ZNF383: variants seen among roughly 807,000 people sequenced by gnomAD.
The protein encoded by ZNF383 is zinc finger protein 383.
A neutral mutation model predicts 44.2 loss-of-function variants in ZNF383; 32 were observed. The ratio of observed to expected loss-of-function variants is 0.72; its 90% CI spans 0.55 to 0.97. The LOEUF (loss-of-function observed/expected upper bound fraction) is 0.97. ZNF383 is among the 50% of genes least tolerant of loss of function. The probability of loss-of-function intolerance (pLI) is 0.00; values close to 1 mark genes in which losing one functional copy is unlikely to be tolerated. For synonymous variants in ZNF383, 155 were observed against 186.2 expected (o/e 0.83, Z 1.36); for missense variants, 487 against 562.5 (o/e 0.87, Z 1.36).
chr19:37,235,908 T>A (rs1204952119), intron 4 of ZNF383, 71 bp from the exon 5 acceptor site: 6 of 1,386,462 alleles, frequency 4.3e-6, no homozygotes, highest in Non-Finnish European at 6.0e-6. Flanking sequence ...CATCTCTTCC[T>A]GTGATCATCA....
intron 5 of ZNF383, among the ~76,000 whole-genome samples, chr19:37,238,981 G>A (rs1201213663): frequency 1.3e-5 from 2 of 152,158 alleles, no homozygotes; most frequent in East Asian, 3.9e-4. Context: ...GTGCAGTGGT[G>A]TGATCTCAGC....
At chr19:37,231,360 C>G (rs1408092083) in intron 3 of ZNF383, among the ~76,000 whole-genome samples, 1 of 152,014 alleles carries the variant, frequency 6.6e-6, no homozygotes, top group Non-Finnish European at 1.5e-5. Flanking sequence ...CCCATCTCTA[C>G]TAAAAATACA....
rs1821968122 is a variant in ZNF383, at chr19:37,243,165, A to G, written c.929A>G (p.Tyr310Cys). The G allele has an allele frequency of 3.1e-6, 5 of 1,614,192 alleles. 1 individual carries two copies. The highest frequency in any genetic ancestry group is 3.3e-5 in the Admixed American group (2 of 60,020). The change falls in exon 6 of 6, where the codon TAT becomes TGT. Residue 310 changes from tyrosine to cysteine, a missense_variant. Physicochemically the swap from Tyr to Cys is radical, Grantham distance 194. Transcript: ENST00000684119. ...CGAATTCATACAGGTGAGAAACCCT[A>G]TGAATGTAAGGAATGTGGCAAAGCC... is the stretch of plus-strand genomic sequence containing the variant. ...HARIHTGEKP[Y>C]ECKECGKAFT... is the part of the protein sequence containing the mutation.
intron 1 of ZNF383, among the ~76,000 whole-genome samples, chr19:37,222,551 T>C (rs139217356): frequency 6.0e-4 from 92 of 152,246 alleles, no homozygotes; most frequent in African/African-American, 2.1e-3. Flanking sequence ...TAATTTTTTG[T>C]ATTTTTAATA....
intron 4 of ZNF383, 71 bp from the exon 5 acceptor site, chr19:37,235,908 T>G: frequency 7.2e-7 from 1 of 1,386,580 alleles, no homozygotes; most frequent in East Asian, 2.3e-5. Flanking sequence ...CATCTCTTCC[T>G]GTGATCATCA....
intron 3 of ZNF383, 93 bp downstream of exon 3, chr19:37,230,555 C>T: frequency 2.1e-6 from 3 of 1,407,128 alleles, no homozygotes; most frequent in Non-Finnish European, 3.0e-6. Flanking sequence ...ACATTTCTGG[C>T]TAACAGAGTT....
chr19:37,234,727 C>T (rs1014066437), intron 3 of ZNF383, among the ~76,000 whole-genome samples: 6 of 152,098 alleles, frequency 3.9e-5, no homozygotes, highest in Admixed American at 6.5e-5. Context: ...ATTTATAAAT[C>T]CTATTACAAA....
chr19:37,224,209 G>A (rs1190968387), intron 1 of ZNF383, among the ~76,000 whole-genome samples: 1 of 152,072 alleles, frequency 6.6e-6, no homozygotes, highest in East Asian at 1.9e-4. Flanking sequence ...TATTTAAGGT[G>A]TACGTGTTTT....
At chr19:37,233,170 G>A (rs1028980097) in intron 3 of ZNF383, among the ~76,000 whole-genome samples, 3 of 151,798 alleles carry the variant, frequency 2.0e-5, no homozygotes, top group Admixed American at 6.6e-5. Context: ...TTGCTCTGTC[G>A]CCCAGGCTGG....
chr19:37,243,552 G>C lies in ZNF383; in HGVS notation c.1316G>C (p.Arg439Pro). ...KAFNKCSNLT[R>P]HLRIHTGEKP... ...TTTAATAAATGCTCAAACCTTACTC[G>C]ACATCTGAGAATTCACACTGGTGAA... Residue 439 changes from arginine (R) to proline (P), a missense_variant, in exon 6 of 6, where the codon CGA becomes CCA. Physicochemically the swap from Arg to Pro is moderately radical, Grantham distance 103. Transcript: ENST00000684119. 1.2e-6 allele frequency: 2 copies of C among 1,611,432 alleles called. No homozygotes were observed. Among genetic ancestry groups the C allele is most frequent in the Non-Finnish European group, 1.7e-6 (2 of 1,178,928 alleles).
chr19:37,240,234 C>T lies in ZNF383; in HGVS notation c.233-2235C>T, dbSNP rs1974016627. On this transcript the variant is annotated intron_variant, in intron 5 of 5. Transcript: ENST00000684119. Reference sequence around the variant, plus strand: ...ATTGTGTTGGAATGAATTCCCTGTTCCTGTTTTGAGATACTCCAATAGGCT... The same window carrying T: ...ATTGTGTTGGAATGAATTCCCTGTTTCTGTTTTGAGATACTCCAATAGGCT... Among the ~76,000 whole-genome samples the T allele has an allele frequency of 5.3e-5, 8 of 152,036 alleles. No individual in the cohort carries two copies. In the South Asian group the frequency reaches 1.7e-3, roughly 32 times the overall value.
chr19:37,235,406 G>A, intron 3 of ZNF383, 143 bp from the exon 4 acceptor site: 1 of 778,704 alleles, frequency 1.3e-6, no homozygotes, highest in South Asian at 1.8e-5. Context: ...TCCTACTCTT[G>A]CATCTATTTC....
chr19:37,236,111 T>A (rs1457809379), intron 5 of ZNF383, 37 bp downstream of exon 5: 1 of 1,562,624 alleles, frequency 6.4e-7, no homozygotes, highest in Non-Finnish European at 8.8e-7. Flanking sequence ...AAAGTCACGA[T>A]AGGTCAGAAC....
chr19:37,230,520 A>C, intron 3 of ZNF383, 58 bp downstream of exon 3: 2 of 1,572,126 alleles, frequency 1.3e-6, no homozygotes, highest in Non-Finnish European at 1.7e-6. Flanking sequence ...AAAAAAAGAC[A>C]TGAGCATTTG....
Position 37,242,049 on chromosome 19 carries a change from A to G in ZNF383, c.233-420A>G, listed in dbSNP as rs12972314. On this transcript the variant is annotated intron_variant, in intron 5 of 5. Transcript: ENST00000684119. ...TAAAGATACTATATATAGTATAGAT[A>G]CTATATATACTATATAGATACTATA... 3.8e-3 allele frequency among the ~76,000 whole-genome samples: 261 copies of G among 68,968 alleles called. 3 individuals carry two copies. Among genetic ancestry groups the G allele is most frequent in the African/African-American group, 5.7e-3 (75 of 13,274 alleles). The allele number at this position is 68,968 out of a possible 152,430, so 45.2% of individuals were successfully genotyped here.
chr19:37,232,477 A>G (rs1162036937), intron 3 of ZNF383, among the ~76,000 whole-genome samples: 17 of 152,172 alleles, frequency 1.1e-4, no homozygotes, highest in African/African-American at 4.1e-4. Context: ...CTCAATAAAT[A>G]AATACTCAAA....
intron 4 of ZNF383, 102 bp from the exon 5 acceptor site, chr19:37,235,877 C>G: frequency 8.0e-7 from 1 of 1,243,406 alleles, no homozygotes. Context: ...CTTCATCTTT[C>G]TTTGGCTGTT....
intron 3 of ZNF383, among the ~76,000 whole-genome samples, chr19:37,230,700 A>T (rs943751596): frequency 2.0e-5 from 3 of 152,048 alleles, no homozygotes; most frequent in African/African-American, 7.2e-5. Flanking sequence ...TCTTTTTCTG[A>T]ACTCTTTCCC....
At chr19:37,233,610 A>G (rs1973616413) in intron 3 of ZNF383, among the ~76,000 whole-genome samples, 1 of 151,588 alleles carries the variant, frequency 6.6e-6, no homozygotes, top group Non-Finnish European at 1.5e-5. Context: ...TTGTATTTTT[A>G]GTAGAGACAG....
Sources: allele counts gnomAD v4.1 joint callset (sites outside exome capture counted in the v4.1 genomes callset), GRCh38; gene constraint gnomAD v4.1.1; transcripts MANE v1.5; gene names NCBI Gene and HGNC (gene_info 2026-07-23, HGNC 2026-07-21).